Variants in UBAC2 observed in about 807,000 individuals in gnomAD.
UBAC2 encodes ubiquitin-associated domain-containing protein 2.
Under a neutral mutation model 44.0 loss-of-function variants are expected in UBAC2, and 26 were observed. The ratio of observed to expected loss-of-function variants is 0.59; its 90% CI spans 0.43 to 0.82. UBAC2 has a LOEUF of 0.82. UBAC2 is among the 40% of genes least tolerant of loss of function. The probability of loss-of-function intolerance (pLI) is 0.00; values close to 1 mark genes in which losing one functional copy is unlikely to be tolerated. For synonymous variants in UBAC2, 155 were observed against 154.3 expected, an observed-to-expected ratio of 1.00 and a Z score of -0.04; for missense variants, 329 against 419.4, an observed-to-expected ratio of 0.78 and a Z score of 1.88.
intron 4 of UBAC2, among the ~76,000 whole-genome samples, chr13:99,276,661 G>C (rs2043887385): frequency 6.6e-6 from 1 of 152,172 alleles, no homozygotes; most frequent in South Asian, 2.1e-4. Context: ...GGAGGCTGGT[G>C]GGTGGTGCTG....
chr13:99,365,798 T>C (rs1367477676), intron 7 of UBAC2, among the ~76,000 whole-genome samples: 1 of 152,228 alleles, frequency 6.6e-6, no homozygotes, highest in Non-Finnish European at 1.5e-5. Context: ...ATATTATTTT[T>C]TGTCTGGTTG....
intron 1 of UBAC2, among the ~76,000 whole-genome samples, chr13:99,236,821 G>A (rs953159400): frequency 1.3e-5 from 2 of 152,044 alleles, no homozygotes; most frequent in African/African-American, 4.8e-5. Context: ...CTTCACTCCA[G>A]CCTGGGCGAA....
At chr13:99,282,359 G>A (rs1174215423) in intron 4 of UBAC2, among the ~76,000 whole-genome samples, 7 of 152,222 alleles carry the variant, frequency 4.6e-5, no homozygotes, top group Non-Finnish European at 7.3e-5. Flanking sequence ...TTTTGACTAG[G>A]TAGAATATTT....
chr13:99,357,909 A>C (rs57125709), intron 7 of UBAC2, among the ~76,000 whole-genome samples: 15 of 152,196 alleles, frequency 9.9e-5, no homozygotes, highest in African/African-American at 4.8e-5. Context: ...CCATTTTGCA[A>C]CTGTTTCTTG....
intron 8 of UBAC2, 148 bp downstream of exon 8, chr13:99,368,054 CT>C (rs996015549): frequency 3.3e-4 from 273 of 826,450 alleles, no homozygotes; most frequent in Middle Eastern, 8.9e-4. Context: ...AGACTTTGGG[CT>C]TTTTTTTGGC....
chr13:99,327,891 A>G (rs1025326346), intron 6 of UBAC2, among the ~76,000 whole-genome samples: 3 of 152,104 alleles, frequency 2.0e-5, no homozygotes, highest in Non-Finnish European at 4.4e-5. Context: ...CACCAATTTT[A>G]AGTGTATAGT....
chr13:99,265,288 C>T (rs1353439511), intron 4 of UBAC2, among the ~76,000 whole-genome samples: 5 of 152,212 alleles, frequency 3.3e-5, no homozygotes, highest in African/African-American at 9.6e-5. Flanking sequence ...CAGCTTCTTG[C>T]GCTCAGCAAG....
In UBAC2 at chr13:99,338,054, T is replaced by C. The variant is rs866277518; in HGVS notation, c.562-2266T>C. On this transcript the variant is annotated intron_variant, in intron 6 of 8. Transcript: ENST00000403766. ...AACTTTTTTTCTTTTTTTCTTTTTTTTTTTTTTTTTTTTTTTTTTTTGAGA... is the reference window on the plus strand; with the variant it reads ...AACTTTTTTTCTTTTTTTCTTTTTTCTTTTTTTTTTTTTTTTTTTTTGAGA... 7.1e-4 allele frequency among the ~76,000 whole-genome samples: 55 copies of C among 77,786 alleles called. 2 individuals carry two copies. Among genetic ancestry groups the C allele is most frequent in the African/African-American group, 1.3e-3 (28 of 21,986 alleles). The allele number at this position is 77,786 out of a possible 152,430, so 51.0% of individuals were successfully genotyped here.
intron 6 of UBAC2, among the ~76,000 whole-genome samples, chr13:99,338,249 G>T (rs2044830596): frequency 6.6e-6 from 1 of 151,690 alleles, no homozygotes; most frequent in Admixed American, 6.6e-5. Flanking sequence ...GTAGAGACGG[G>T]TTTTTACCAT....
chr13:99,252,370 T>C (rs780831880), intron 4 of UBAC2, among the ~76,000 whole-genome samples: 2 of 152,330 alleles, frequency 1.3e-5, no homozygotes, highest in South Asian at 4.1e-4. Context: ...CTACATTTAG[T>C]AATGTTGAAG....
At chr13:99,336,018 A>G (rs1029598847) in intron 6 of UBAC2, among the ~76,000 whole-genome samples, 1 of 152,110 alleles carries the variant, frequency 6.6e-6, no homozygotes, top group Admixed American at 6.5e-5. Context: ...AAAAAGAGAT[A>G]AAACTGGATG....
chr13:99,311,994 C>T (rs959979932), intron 4 of UBAC2, among the ~76,000 whole-genome samples: 1 of 152,240 alleles, frequency 6.6e-6, no homozygotes, highest in Non-Finnish European at 1.5e-5. Context: ...CTCTGTGTCC[C>T]CAGTCCTGAC....
intron 4 of UBAC2, among the ~76,000 whole-genome samples, chr13:99,261,063 A>G (rs374606214): frequency 6.6e-6 from 1 of 152,250 alleles, no homozygotes. Flanking sequence ...TCTATGTTAG[A>G]CATTTGTCTA....
intron 8 of UBAC2, chr13:99,376,975 G>T (rs553537999): frequency 1.3e-5 from 2 of 152,268 alleles, no homozygotes; most frequent in African/African-American, 4.8e-5. Context: ...AGTATGCAGC[G>T]CCGTGCCTCG....
At chr13:99,282,256 A>G (rs968683335) in intron 4 of UBAC2, among the ~76,000 whole-genome samples, 9 of 152,194 alleles carry the variant, frequency 5.9e-5, no homozygotes, top group African/African-American at 1.7e-4. Context: ...ATGGAGAGTC[A>G]TGACATGCAT....
At chr13:99,356,234 AT>A (rs2045180974) in intron 7 of UBAC2, 1 of 531,266 alleles carries the variant, frequency 1.9e-6, no homozygotes, top group African/African-American at 1.9e-5. Flanking sequence ...TTCTGTCCTC[AT>A]TGCCATCCCC....
chr13:99,259,258 G>C (rs564242836), intron 4 of UBAC2, among the ~76,000 whole-genome samples: 2 of 151,350 alleles, frequency 1.3e-5, no homozygotes, highest in Non-Finnish European at 2.9e-5. Flanking sequence ...CTTTATGTTT[G>C]GTTATGCATG....
chr13:99,262,865 A>T (rs2043687970), intron 4 of UBAC2, among the ~76,000 whole-genome samples: 1 of 152,150 alleles, frequency 6.6e-6, no homozygotes, highest in African/African-American at 2.4e-5. Context: ...GTAAACATGT[A>T]TCTATAAGGT....
chr13:99,301,576 T>C (rs1198208789), intron 4 of UBAC2, among the ~76,000 whole-genome samples: 3 of 152,182 alleles, frequency 2.0e-5, no homozygotes, highest in Non-Finnish European at 2.9e-5. Flanking sequence ...TCTTGAGATA[T>C]TATCATCTCA....
Sources: gnomAD v4.1 joint callset for allele counts (sites outside exome capture counted in the v4.1 genomes callset) on GRCh38, gnomAD v4.1.1 for gene constraint, MANE v1.5 for transcripts, NCBI Gene and HGNC (gene_info 2026-07-23, HGNC 2026-07-21) for gene names.